The following MACROD2 variants were observed in gnomAD, a reference collection of about 807,000 sequenced individuals.
MACROD2 encodes ADP-ribose glycohydrolase MACROD2.
MACROD2 carries 36 observed loss-of-function variants against 70.4 expected under a neutral mutation model. The ratio of observed to expected loss-of-function variants is 0.51; its 90% CI spans 0.39 to 0.68. The LOEUF (loss-of-function observed/expected upper bound fraction) is 0.68, where lower values mean the gene tolerates loss of function less well. MACROD2 is among the 30% of genes least tolerant of loss of function. The pLI, the probability that MACROD2 is intolerant of heterozygous loss-of-function variation, is 0.00. For missense variants in MACROD2, 496 were observed against 538.4 expected (o/e 0.92, Z 0.78); for synonymous variants, 172 against 178.8 (o/e 0.96, Z 0.30).
At chr20:15,726,097 G>C (rs1310536179) in intron 8 of MACROD2, among the ~76,000 whole-genome samples, 1 of 152,070 alleles carries the variant, frequency 6.6e-6, no homozygotes, top group Non-Finnish European at 1.5e-5. Context: ...CCACCCTCAA[G>C]TAGGCCCCAG....
At chr20:15,151,873 T>A (rs1241271446) in intron 5 of MACROD2, among the ~76,000 whole-genome samples, 1 of 151,660 alleles carries the variant, frequency 6.6e-6, no homozygotes, top group African/African-American at 2.4e-5. Flanking sequence ...GAGTGGAGGC[T>A]AAGGAAGAAT....
intron 7 of MACROD2, among the ~76,000 whole-genome samples, chr20:15,457,529 C>G (rs1434343251): frequency 1.3e-5 from 2 of 152,122 alleles, no homozygotes; most frequent in African/African-American, 4.8e-5. Flanking sequence ...TGAGGAGCCT[C>G]ATTCACTTGT....
intron 5 of MACROD2, among the ~76,000 whole-genome samples, chr20:15,009,725 T>C (rs1050079256): frequency 6.6e-6 from 1 of 151,718 alleles, no homozygotes; most frequent in South Asian, 2.1e-4. Flanking sequence ...TTTTTTTCCA[T>C]AATTTTTTTC....
At chr20:15,799,137 G>C (rs564317348) in intron 8 of MACROD2, among the ~76,000 whole-genome samples, 30 of 152,086 alleles carry the variant, frequency 2.0e-4, no homozygotes, top group African/African-American at 6.5e-4. Flanking sequence ...TTTTAAAAAA[G>C]ATAAATATCA....
At chr20:15,106,979 T>C (rs2075915318) in intron 5 of MACROD2, among the ~76,000 whole-genome samples, 1 of 100,984 alleles carries the variant, frequency 9.9e-6, no homozygotes, top group Non-Finnish European at 1.9e-5. Flanking sequence ...CCCTAATGTA[T>C]GATTTATATG....
chr20:15,665,917 C>T (rs777245582), intron 8 of MACROD2, among the ~76,000 whole-genome samples: 2 of 151,908 alleles, frequency 1.3e-5, no homozygotes, highest in African/African-American at 2.4e-5. Context: ...TATGATCTGA[C>T]GTCCCAGATC....
intron 5 of MACROD2, among the ~76,000 whole-genome samples, chr20:14,768,757 C>T (rs907441716): frequency 1.3e-5 from 2 of 152,036 alleles, no homozygotes; most frequent in Non-Finnish European, 2.9e-5. Flanking sequence ...GCTGGGATTA[C>T]AGGCCTGCAC....
intron 4 of MACROD2, among the ~76,000 whole-genome samples, chr20:14,587,151 G>C (rs1483398674): frequency 6.6e-6 from 1 of 151,394 alleles, no homozygotes; most frequent in African/African-American, 2.4e-5. Flanking sequence ...CTTTATATTT[G>C]TTTCTAGGTG....
chr20:15,674,754 TTGTGTGTG>T (rs3071296), intron 8 of MACROD2, among the ~76,000 whole-genome samples: 1 of 148,610 alleles, frequency 6.7e-6, no homozygotes, highest in African/African-American at 2.5e-5. Context: ...TGTGTGTGTG[TTGTGTGTG>T]TGTGTGTGTG....
At chr20:14,584,490 G>A (rs1258470583) in intron 4 of MACROD2, among the ~76,000 whole-genome samples, 1 of 152,112 alleles carries the variant, frequency 6.6e-6, no homozygotes, top group African/African-American at 2.4e-5. Flanking sequence ...CTAGTTTGCA[G>A]ATGGCCATCT....
At chr20:14,420,847 A>G (rs2083868188) in intron 3 of MACROD2, among the ~76,000 whole-genome samples, 1 of 152,070 alleles carries the variant, frequency 6.6e-6, no homozygotes, top group African/African-American at 2.4e-5. Context: ...GTATGCCACC[A>G]TGCCTGGCTA....
At chr20:15,191,075 A>G (rs115289264) in intron 5 of MACROD2, among the ~76,000 whole-genome samples, 1,960 of 152,346 alleles carry the variant, frequency 0.013, 37 homozygotes, top group African/African-American at 0.043. Context: ...TCCAGGGCAC[A>G]TATAGTTTAT....
chr20:15,429,839 G>A (rs1432561900), intron 6 of MACROD2, among the ~76,000 whole-genome samples: 2 of 151,980 alleles, frequency 1.3e-5, no homozygotes, highest in African/African-American at 2.4e-5. Flanking sequence ...AATATACTGT[G>A]TAATGGTGAA....
chr20:14,586,225 T>C (rs1269952259), intron 4 of MACROD2, among the ~76,000 whole-genome samples: 1 of 151,914 alleles, frequency 6.6e-6, no homozygotes, highest in Non-Finnish European at 1.5e-5. Flanking sequence ...GATGAGATAC[T>C]ACTAAGTGGC....
At chr20:15,137,269 T>C (rs1430722536) in intron 5 of MACROD2, among the ~76,000 whole-genome samples, 1 of 151,898 alleles carries the variant, frequency 6.6e-6, no homozygotes, top group Non-Finnish European at 1.5e-5. Context: ...CGTATGTTTA[T>C]TGCGGCACTA....
intron 3 of MACROD2, among the ~76,000 whole-genome samples, chr20:14,472,250 T>TA (rs1836341399): frequency 6.6e-6 from 1 of 152,194 alleles, no homozygotes; most frequent in Non-Finnish European, 1.5e-5. Flanking sequence ...ATAGGATTGT[T>TA]ACAGTCATAT....
chr20:15,593,030 AAG>A (rs1173202339), intron 8 of MACROD2, among the ~76,000 whole-genome samples: 1 of 152,174 alleles, frequency 6.6e-6, no homozygotes, highest in Non-Finnish European at 1.5e-5. Flanking sequence ...TAGCAGCAGG[AAG>A]AGAGACACAC....
intron 6 of MACROD2, among the ~76,000 whole-genome samples, chr20:15,414,901 G>T (rs2046125991): frequency 6.6e-6 from 1 of 152,184 alleles, no homozygotes. Flanking sequence ...AACGGAATCA[G>T]AATTTGCATT....
intron 5 of MACROD2, among the ~76,000 whole-genome samples, chr20:14,925,304 A>T (rs409975): frequency 0.2 from 31,126 of 151,912 alleles, 3,520 homozygotes; most frequent in South Asian, 0.37. Flanking sequence ...CAAATCCAGG[A>T]AAAAGAAACA....
Sources: allele counts gnomAD v4.1 joint callset (sites outside exome capture counted in the v4.1 genomes callset), GRCh38; gene constraint gnomAD v4.1.1; transcripts MANE v1.5; gene names NCBI Gene and HGNC (gene_info 2026-07-23, HGNC 2026-07-21).